Variants in MFHAS1 observed in about 807,000 individuals in gnomAD.
MFHAS1 encodes multifunctional ROCO family signaling regulator 1.
MFHAS1 carries 50 observed loss-of-function variants against 70.4 expected under a neutral mutation model. The observed-to-expected ratio is 0.71, with a 90% CI of 0.57 to 0.90. The LOEUF is 0.90. Among genes scored for constraint, MFHAS1 ranks in the 40% least tolerant of loss-of-function variants. MFHAS1 has a pLI of 0.00. For missense variants in MFHAS1, 1,795 were observed against 1,347.6 expected (o/e 1.33, Z -5.20); for synonymous variants, 952 against 620.0 (o/e 1.54, Z -7.96).
intron 1 of MFHAS1, among the ~76,000 whole-genome samples, chr8:8,844,674 A>G (rs1438990369): frequency 6.6e-6 from 1 of 151,910 alleles, no homozygotes; most frequent in Non-Finnish European, 1.5e-5. Flanking sequence ...CACCCATCAC[A>G]CTCTATCCCC....
At chr8:8,867,298 G>A (rs1808895776) in intron 1 of MFHAS1, among the ~76,000 whole-genome samples, 1 of 152,022 alleles carries the variant, frequency 6.6e-6, no homozygotes, top group Non-Finnish European at 1.5e-5. Context: ...TATAACAAAA[G>A]TTAAAAATAT....
In MFHAS1 at chr8:8,892,901, G is replaced by T. The variant is rs763062527; in HGVS notation, c.158C>A (p.Ser53Tyr). The T allele has an allele frequency of 7.6e-6, 12 of 1,573,154 alleles. No homozygotes were observed. Among genetic ancestry groups the T allele is most frequent in the Non-Finnish European group, 9.5e-6 (11 of 1,162,418 alleles). Residue 53 changes from serine to tyrosine, a missense_variant, in exon 1 of 3, where the codon TCC (serine) becomes TAC (tyrosine). Physicochemically the swap from Ser to Tyr is moderately radical, Grantham distance 144 (BLOSUM62 -2). Transcript: ENST00000276282. This position sits in a 1 kb window ranked among gnomAD's most constrained non-coding sequence, Gnocchi z 4.7. ...GTTGGCCGGCAGCACGAGCTGGGGG[G>T]AGGCGGGGGACTCGAGCGCGTCGGC... Reference protein sequence around the residue: ...AGADALESPASPQLVLPANLG... With the variant: ...AGADALESPAYPQLVLPANLG...
At chr8:8,842,861 C>A (rs899918049) in intron 1 of MFHAS1, among the ~76,000 whole-genome samples, 1 of 152,240 alleles carries the variant, frequency 6.6e-6, no homozygotes, top group Non-Finnish European at 1.5e-5. Flanking sequence ...GCTCATAGTG[C>A]TCCCTGTGAT....
At chr8:8,885,820 G>A (rs983666539) in intron 1 of MFHAS1, among the ~76,000 whole-genome samples, 2 of 152,104 alleles carry the variant, frequency 1.3e-5, no homozygotes, top group East Asian at 1.9e-4. Flanking sequence ...AGGGATTCTC[G>A]TGCCTCATTC....
intron 1 of MFHAS1, among the ~76,000 whole-genome samples, chr8:8,829,999 CT>C (rs1807321623): frequency 6.6e-6 from 1 of 152,130 alleles, no homozygotes; most frequent in Admixed American, 6.5e-5. Context: ...TTCGGCAGGT[CT>C]GGGGTGTGGC....
At chr8:8,848,713 A>C (rs992717879) in intron 1 of MFHAS1, among the ~76,000 whole-genome samples, 1 of 152,212 alleles carries the variant, frequency 6.6e-6, no homozygotes, top group Non-Finnish European at 1.5e-5. Context: ...TTTGGTCCTT[A>C]CATTAGGACG....
chr8:8,819,014 T>C (rs745310480), intron 1 of MFHAS1, among the ~76,000 whole-genome samples: 4 of 152,362 alleles, frequency 2.6e-5, no homozygotes, highest in South Asian at 2.1e-4. Context: ...TTTAGTGTTG[T>C]TTCTGGAGTA....
chr8:8,801,217 A>G (rs1278807474), intron 1 of MFHAS1, among the ~76,000 whole-genome samples: 1 of 151,966 alleles, frequency 6.6e-6, no homozygotes, highest in Non-Finnish European at 1.5e-5. Flanking sequence ...TCTGTCTCAA[A>G]AAAAAAAAGA....
At position 8,788,583 on chromosome 8, in the gene MFHAS1, G is replaced by T. The variant is rs148794566; in HGVS notation, c.3126-2528C>A. ...AGTCCCAGCTACTCGGGGGGCTGAG[G>T]CAGGATAATTGCTTGAACCCAGGAG... On this transcript the variant is annotated intron_variant, in intron 2 of 2. Transcript: ENST00000276282. Among the ~76,000 whole-genome samples, 822 of 152,312 alleles carry T rather than the reference G, an allele frequency of 5.4e-3. 10 individuals carry two copies. The highest frequency in any genetic ancestry group is 0.019 in the African/African-American group (795 of 41,562).
intron 2 of MFHAS1, among the ~76,000 whole-genome samples, chr8:8,788,058 C>T (rs1805612665): frequency 6.6e-6 from 1 of 152,156 alleles, no homozygotes; most frequent in Non-Finnish European, 1.5e-5. Context: ...CTGATTCTTC[C>T]TGGTAGAGTT....
At chr8:8,832,117 A>G (rs1031730577) in intron 1 of MFHAS1, among the ~76,000 whole-genome samples, 1 of 150,178 alleles carries the variant, frequency 6.7e-6, no homozygotes, top group African/African-American at 2.4e-5. Context: ...AATAGATCCT[A>G]GACCTAAATG....
chr8:8,792,809 T>G (rs779579936), intron 2 of MFHAS1, among the ~76,000 whole-genome samples: 2 of 152,296 alleles, frequency 1.3e-5, no homozygotes, highest in Non-Finnish European at 2.9e-5. Flanking sequence ...TTTTCTGGTA[T>G]GGAAATTATA....
intron 1 of MFHAS1, among the ~76,000 whole-genome samples, chr8:8,853,093 G>A (rs1333133245): frequency 1.3e-5 from 2 of 152,004 alleles, no homozygotes; most frequent in Non-Finnish European, 2.9e-5. Context: ...TCAAGACCCC[G>A]ACTATGCCCC....
intron 1 of MFHAS1, among the ~76,000 whole-genome samples, chr8:8,810,386 G>A (rs574625958): frequency 6.6e-6 from 1 of 152,182 alleles, no homozygotes; most frequent in African/African-American, 2.4e-5. Context: ...ATGATCAGAA[G>A]GCGTATACAG....
At chr8:8,889,218 C>A (rs1022810971) in intron 1 of MFHAS1, among the ~76,000 whole-genome samples, 4 of 152,068 alleles carry the variant, frequency 2.6e-5, no homozygotes, top group Non-Finnish European at 5.9e-5. Flanking sequence ...TTAACACTTA[C>A]CAAAAAACAA....
At chr8:8,831,666 T>C (rs905674987) in intron 1 of MFHAS1, among the ~76,000 whole-genome samples, 9 of 149,560 alleles carry the variant, frequency 6.0e-5, no homozygotes, top group African/African-American at 2.2e-4. Context: ...CAGGCTGGAG[T>C]GGTGCAATCT....
intron 2 of MFHAS1, among the ~76,000 whole-genome samples, chr8:8,794,224 A>G (rs966415647): frequency 1.3e-5 from 2 of 152,074 alleles, no homozygotes; most frequent in African/African-American, 4.8e-5. Flanking sequence ...CTCTATGGTG[A>G]CCTGCTTAAG....
chr8:8,884,886 G>A (rs984653133), intron 1 of MFHAS1, among the ~76,000 whole-genome samples: 2 of 152,044 alleles, frequency 1.3e-5, no homozygotes, highest in Admixed American at 6.6e-5. Context: ...CCAAGAGGTC[G>A]AGGCTGCAGT....
intron 1 of MFHAS1, among the ~76,000 whole-genome samples, chr8:8,881,579 G>A (rs1161426503): frequency 6.6e-6 from 1 of 152,202 alleles, no homozygotes; most frequent in African/African-American, 2.4e-5. Context: ...GCTCACGCCT[G>A]TAATCCCACT....
Sources: gnomAD v4.1 joint callset for allele counts (sites outside exome capture counted in the v4.1 genomes callset) on GRCh38, gnomAD v4.1.1 for gene constraint, Gnocchi (gnomAD v3.1) non-coding constraint, MANE v1.5 for transcripts, NCBI Gene and HGNC (gene_info 2026-07-23, HGNC 2026-07-21) for gene names.